The following LRSAM1 variants were observed in gnomAD, a reference collection of about 807,000 sequenced individuals.
LRSAM1 encodes the protein E3 ubiquitin-protein ligase LRSAM1.
Under a neutral mutation model 118.1 loss-of-function variants are expected in LRSAM1, and 96 were observed. That is an observed-to-expected ratio of 0.81 (90% CI 0.69 to 0.96). LRSAM1 has a LOEUF of 0.96. Ranked by LOEUF, LRSAM1 falls within the 40% of genes least tolerant of loss-of-function variation. LRSAM1 has a pLI of 0.00. For missense variants in LRSAM1, 804 were observed against 915.5 expected (o/e 0.88, Z 1.57); for synonymous variants, 322 against 364.2 (o/e 0.88, Z 1.32).
intron 2 of LRSAM1, 113 bp from the exon 3 acceptor site, chr9:127,454,383 G>GGAAC (rs1834438088): frequency 2.5e-6 from 2 of 814,534 alleles, no homozygotes; most frequent in African/African-American, 1.7e-5. Flanking sequence ...CTGCCTCCAT[G>GGAAC]GAACTCATGG....
intron 4 of LRSAM1, 25 bp downstream of exon 4, chr9:127,455,079 G>A (rs151069056): frequency 1.2e-6 from 2 of 1,611,700 alleles, no homozygotes; most frequent in East Asian, 2.2e-5. Flanking sequence ...GTGTTGGGCT[G>A]TGAATTGGAT....
chr9:127,466,635 G>T (rs990652573), intron 9 of LRSAM1, among the ~76,000 whole-genome samples: 3 of 147,958 alleles, frequency 2.0e-5, no homozygotes, highest in African/African-American at 7.5e-5. Flanking sequence ...TTACACGCAT[G>T]AGCCACCACA....
At position 127,497,278 on chromosome 9, in the gene LRSAM1, A is replaced by T; in HGVS notation, c.1856A>T (p.Gln619Leu). The T allele has an allele frequency of 6.2e-7, 1 of 1,613,280 alleles. No homozygotes were observed. Among genetic ancestry groups the T allele is most frequent in the South Asian group, 1.1e-5 (1 of 91,088 alleles). ...GTGGGCGTCTCAGAAGCTGGCCTGC[A>T]GCACGAGATCCTCCGGAGAGTCCAG... ...AKVGVSEAGL[Q>L]HEILRRVQEL... is the part of the protein sequence containing the mutation. Residue 619 changes from glutamine (Q) to leucine (L), a missense_variant, in exon 24 of 26, where the codon CAG (glutamine) becomes CTG (leucine). Gln to Leu is a moderately radical substitution (Grantham distance 113). Coordinates refer to ENST00000300417, the MANE Select transcript of LRSAM1 (RefSeq NM_001005373.4).
chr9:127,453,164 C>G (rs776070153), intron 2 of LRSAM1, among the ~76,000 whole-genome samples: 3 of 152,208 alleles, frequency 2.0e-5, no homozygotes, highest in East Asian at 1.9e-4. Context: ...TCACTGCAAC[C>G]TCTGCCTCCT....
intron 16 of LRSAM1, 39 bp downstream of exon 16, chr9:127,483,059 G>A (rs1397813443): frequency 6.3e-7 from 1 of 1,590,502 alleles, no homozygotes; most frequent in Non-Finnish European, 8.6e-7. Flanking sequence ...CACGCTGCCT[G>A]CTGGCTGGGC....
intron 24 of LRSAM1, among the ~76,000 whole-genome samples, chr9:127,499,492 C>T: frequency 6.6e-6 from 1 of 151,030 alleles, no homozygotes; most frequent in East Asian, 1.9e-4. Flanking sequence ...GATCATGATA[C>T]TATACTCCAG....
chr9:127,458,894 G>T lies in LRSAM1; in HGVS notation c.253-109G>T. On this transcript the variant is annotated intron_variant, in intron 6 of 25. Transcript: ENST00000300417. ...GTGGGAAAGGAGTGGCAGGCACTCT[G>T]TTTCTGCACTGGGGGTGTGAGGTGG... is the stretch of plus-strand genomic sequence containing the variant. 5.9e-6 allele frequency: 6 copies of T among 1,009,378 alleles called. No individual in the cohort carries two copies. The Admixed American group carries it at 1.1e-4, about 18-fold the overall frequency. 62.5% of individuals were successfully genotyped at this position (1,009,378 alleles called of 1,614,324 possible).
At chr9:127,454,677 C>T in intron 3 of LRSAM1, 78 bp downstream of exon 3, 8 of 1,417,140 alleles carry the variant, frequency 5.6e-6, no homozygotes, top group Non-Finnish European at 7.9e-6. Flanking sequence ...GCACTGCCCC[C>T]AACAAGCCGT....
At chr9:127,481,635 C>A (rs1348015757) in intron 15 of LRSAM1, among the ~76,000 whole-genome samples, 1 of 152,194 alleles carries the variant, frequency 6.6e-6, no homozygotes, top group Non-Finnish European at 1.5e-5. Context: ...GGAGATTCAC[C>A]TCCTTAGACG....
chr9:127,480,023 G>T (rs534373076), intron 14 of LRSAM1, 45 bp downstream of exon 14: 1 of 1,613,820 alleles, frequency 6.2e-7, no homozygotes, highest in South Asian at 1.1e-5. Context: ...CCTTCCCCGT[G>T]CAGTCCCCTG....
Position 127,473,897 on chromosome 9 carries a change from C to A in LRSAM1, c.716C>A (p.Thr239Lys). ...TCTCGGGACAGCCCTGATGGGCCCA[C>A]GGACAGATTCTCAAGGGAGGAGTTA... ...ENSRDSPDGP[T>K]DRFSREELEW... is the part of the protein sequence containing the mutation. The change falls in exon 11 of 26, where the codon ACG becomes AAG. Residue 239 changes from threonine to lysine, a missense_variant. Thr to Lys is a moderately conservative substitution (Grantham distance 78, BLOSUM62 -1). Transcript: ENST00000300417. 6.2e-7 allele frequency: 1 copy of A among 1,614,228 alleles called. No homozygotes were observed. Among genetic ancestry groups the A allele is most frequent in the South Asian group, 1.1e-5 (1 of 91,084 alleles).
intron 17 of LRSAM1, chr9:127,487,379 C>T (rs2132085834): frequency 2.7e-6 from 1 of 376,762 alleles, no homozygotes; most frequent in Admixed American, 3.7e-5. Flanking sequence ...GGTGGCTGGG[C>T]AGAGGCAGGC....
Position 127,457,830 on chromosome 9 carries a change from A to C in LRSAM1, c.252+437A>C, listed in dbSNP as rs566678372. Among the ~76,000 whole-genome samples the C allele has an allele frequency of 4.9e-4, 74 of 152,310 alleles. 1 individual carries two copies. Among genetic ancestry groups the C allele is most frequent in the African/African-American group, 1.7e-3 (71 of 41,574 alleles). ...TGTTATGCGCAGACCTGAGCTTGGG[A>C]GAGTGATATGCACCTTCAGAGGAGG... is the stretch of plus-strand genomic sequence containing the variant. On this transcript the variant is annotated intron_variant, in intron 6 of 25. Coordinates refer to ENST00000300417, the MANE Select transcript of LRSAM1 (RefSeq NM_001005373.4).
At chr9:127,492,977 G>A (rs1835990147) in intron 21 of LRSAM1, 80 bp downstream of exon 21, 2 of 1,128,438 alleles carry the variant, frequency 1.8e-6, no homozygotes, top group Non-Finnish European at 2.7e-6. Flanking sequence ...AGAAACACCT[G>A]TTATTCAAGT....
At chr9:127,478,500 T>C (rs1274461546) in intron 11 of LRSAM1, among the ~76,000 whole-genome samples, 2 of 152,364 alleles carry the variant, frequency 1.3e-5, no homozygotes, top group African/African-American at 2.4e-5. Flanking sequence ...TCCAGTGTTT[T>C]TGCTCTTTTG....
intron 11 of LRSAM1, among the ~76,000 whole-genome samples, chr9:127,474,557 G>C (rs1205614194): frequency 6.6e-6 from 1 of 152,178 alleles, no homozygotes; most frequent in Non-Finnish European, 1.5e-5. Flanking sequence ...GCGCTAAATT[G>C]ATGAGGAACT....
At chr9:127,455,140 G>A in intron 4 of LRSAM1, 86 bp downstream of exon 4, 1 of 1,373,742 alleles carries the variant, frequency 7.3e-7, no homozygotes, top group Non-Finnish European at 1.0e-6. Context: ...GAGGTGGACT[G>A]GGGCTTTAGA....
intron 11 of LRSAM1, among the ~76,000 whole-genome samples, 160 bp downstream of exon 11, chr9:127,474,091 T>G (rs1835272118): frequency 6.6e-6 from 1 of 152,060 alleles, no homozygotes; most frequent in African/African-American, 2.4e-5. Context: ...TTGAACTGCT[T>G]TTTCAAGGCC....
intron 16 of LRSAM1, among the ~76,000 whole-genome samples, chr9:127,483,304 A>G (rs944768890): frequency 6.6e-6 from 1 of 152,182 alleles, no homozygotes; most frequent in Non-Finnish European, 1.5e-5. Context: ...GAAATGGGCC[A>G]GGTGTCGGGG....
Sources: allele counts gnomAD v4.1 joint callset (sites outside exome capture counted in the v4.1 genomes callset), GRCh38; gene constraint gnomAD v4.1.1; transcripts MANE v1.5; gene names NCBI Gene and HGNC (gene_info 2026-07-23, HGNC 2026-07-21).